Variants in MPG observed in about 807,000 individuals in gnomAD.
MPG encodes the protein DNA-3-methyladenine glycosylase.
Under a neutral mutation model 31.7 loss-of-function variants are expected in MPG, and 33 were observed. That is an observed-to-expected ratio of 1.04 (90% confidence interval 0.79 to 1.39). The LOEUF is 1.39. Ranked by LOEUF, MPG falls within the 40% of genes most tolerant of loss-of-function variation. The pLI, the probability that MPG is intolerant of heterozygous loss-of-function variation, is 0.00. For synonymous variants in MPG, 202 were observed against 169.2 expected (o/e 1.19, Z -1.51); for missense variants, 455 against 415.5 (o/e 1.10, Z -0.83).
rs778061844 is a variant in MPG at position 83,080 on chromosome 16, C to T, written c.329C>T (p.Thr110Ile). 2 of 1,609,710 alleles carry T rather than the reference C, an allele frequency of 1.2e-6. No homozygotes were observed. The highest frequency in any genetic ancestry group is 1.7e-5 in the Admixed American group (1 of 59,714). Residue 110 changes from threonine (T) to isoleucine (I), a missense_variant, in exon 3 of 4, where the codon ACA (threonine) becomes ATA (isoleucine). Physicochemically the swap from Thr to Ile is moderately conservative, Grantham distance 89. Coordinates refer to ENST00000356432, the MANE Select transcript of MPG (RefSeq NM_001015052.3). ...QVLVRRLPNG[T>I]ELRGRIVETE... ...CTAGTCCGGCGACTTCCTAATGGCA[C>T]AGAACTCCGAGGCCGCATCGTGGAG... is the stretch of plus-strand genomic sequence containing the variant.
chr16:82,961 T>A, intron 2 of MPG, 91 bp from the exon 3 acceptor site: 1 of 1,195,356 alleles, frequency 8.4e-7, no homozygotes, highest in Non-Finnish European at 1.2e-6. Flanking sequence ...TGACACACCC[T>A]GAGCTGGGGA....
At chr16:83,028 T>G in intron 2 of MPG, 24 bp from the exon 3 acceptor site, 1 of 1,541,598 alleles carries the variant, frequency 6.5e-7, no homozygotes, top group Non-Finnish European at 8.8e-7. Flanking sequence ...CTTCCCGCCC[T>G]GAGCAGAAAC....
At chr16:85,326 G>A (rs183943394) in intron 3 of MPG, 75 bp from the exon 4 acceptor site, 313 of 1,487,884 alleles carry the variant, frequency 2.1e-4, no homozygotes, top group Non-Finnish European at 2.5e-4. Context: ...TGCAGCACAG[G>A]ATGTCTGGAT....
chr16:84,882 A>C (rs747372972), intron 3 of MPG, among the ~76,000 whole-genome samples: 6 of 152,136 alleles, frequency 3.9e-5, no homozygotes, highest in Non-Finnish European at 8.8e-5. Context: ...CACTTGACCA[A>C]CACAAACACT....
chr16:85,363 C>T (rs774059355), intron 3 of MPG, 38 bp from the exon 4 acceptor site: 2 of 1,560,184 alleles, frequency 1.3e-6, no homozygotes, highest in Non-Finnish European at 1.7e-6. Flanking sequence ...AGGACAGGAG[C>T]CTAGGGAGGC....
chr16:85,515 G>T lies in MPG; in HGVS notation c.620G>T (p.Arg207Leu). The T allele has an allele frequency of 6.2e-7, 1 of 1,613,374 alleles. No homozygotes were observed. Among genetic ancestry groups the T allele is most frequent in the Non-Finnish European group, 8.5e-7 (1 of 1,180,046 alleles). ...ACCGCCAGCCGTGTCCTCAAGGACCGCGAGCTCTGCAGTGGCCCCTCCAAG... is the reference window on the plus strand; with the variant it reads ...ACCGCCAGCCGTGTCCTCAAGGACCTCGAGCTCTGCAGTGGCCCCTCCAAG... The part of the protein sequence containing the change: ...KGTASRVLKD[R>L]ELCSGPSKLC... Residue 207 changes from arginine (R) to leucine (L), a missense_variant, in exon 4 of 4, where the codon CGC becomes CTC. Coordinates refer to ENST00000356432, the MANE Select transcript of MPG (RefSeq NM_001015052.3).
At position 85,395 on chromosome 16, in the gene MPG, C is replaced by G. The variant is rs1898402989; in HGVS notation, c.506-6C>G. ...AGGCTCCACTTCCAAACTGTCCGTC[C>G]CACAGGGGACGGGGCTTGCGTCTTG... On this transcript the variant is annotated splice_polypyrimidine_tract_variant and splice_region_variant and intron_variant, in intron 3 of 3. Coordinates refer to ENST00000356432, the MANE Select transcript of MPG (RefSeq NM_001015052.3). 1 of 1,597,732 alleles carries G rather than the reference C, an allele frequency of 6.3e-7. No individual in the cohort carries two copies. The highest frequency in any genetic ancestry group is 2.0e-4 in the Middle Eastern group (1 of 5,060).
chr16:80,378 C>T (rs1898207275), intron 2 of MPG, among the ~76,000 whole-genome samples: 1 of 152,216 alleles, frequency 6.6e-6, no homozygotes, highest in Non-Finnish European at 1.5e-5. Context: ...AGGTTATAAT[C>T]ACCAAGAAGA....
chr16:77,328 A>G (rs1898114591), upstream of MPG, among the ~76,000 whole-genome samples: 1 of 152,166 alleles, frequency 6.6e-6, no homozygotes, highest in Non-Finnish European at 1.5e-5. Context: ...CGTGGGAGCC[A>G]GCAGTGTGCC....
intron 3 of MPG, 125 bp from the exon 4 acceptor site, chr16:85,276 C>A: frequency 2.6e-6 from 3 of 1,154,220 alleles, no homozygotes; most frequent in Non-Finnish European, 3.7e-6. Flanking sequence ...GTGCACAGAG[C>A]AGGTCCCTGG....
intron 2 of MPG, among the ~76,000 whole-genome samples, chr16:82,058 C>T (rs539328376): frequency 1.6e-5 from 2 of 128,006 alleles, no homozygotes; most frequent in African/African-American, 4.2e-5. Context: ...ACCCTACCTC[C>T]GGGAAGGCCT....
chr16:84,426 A>C (rs1898357717), intron 3 of MPG: 1 of 152,138 alleles, frequency 6.6e-6, no homozygotes, highest in Non-Finnish European at 1.5e-5. Context: ...AAGAGTAGGG[A>C]CTGGCTTGGC....
At chr16:78,032 T>A, upstream of MPG, 1 of 275,424 alleles carries the variant, frequency 3.6e-6, no homozygotes, top group Non-Finnish European at 6.8e-6. Flanking sequence ...CACCCCCAGG[T>A]GCCCCTTCCC....
chr16:79,414 T>TC lies in MPG; in HGVS notation c.25-8dup. 1 of 1,613,498 alleles carries TC rather than the reference T, an allele frequency of 6.2e-7. No homozygotes were observed. The highest frequency in any genetic ancestry group is 8.5e-7 in the Non-Finnish European group (1 of 1,179,948). On this transcript the variant is annotated splice_polypyrimidine_tract_variant and intron_variant, in intron 1 of 3. Coordinates refer to ENST00000356432, the MANE Select transcript of MPG (RefSeq NM_001015052.3). ...TATTCGGATGCTTATTTATTTTTTT[T>TC]CCCATTACAGTTTTGCCGACGGATG...
At chr16:78,446 C>T (rs1898151032) in intron 1 of MPG, 113 bp downstream of exon 1, 3 of 960,268 alleles carry the variant, frequency 3.1e-6, no homozygotes, top group Non-Finnish European at 3.9e-6. Flanking sequence ...CCCACCGCCC[C>T]GAGGGTTCGG....
In MPG at chr16:83,220, T is replaced by A; in HGVS notation, c.469T>A (p.Tyr157Asn). The A allele has an allele frequency of 6.2e-7, 1 of 1,612,956 alleles. No homozygotes were observed. Among genetic ancestry groups the A allele is most frequent in the South Asian group, 1.1e-5 (1 of 91,060 alleles). ...KPGTLYVYII[Y>N]GMYFCMNISS... Reference sequence around the variant, plus strand: ...GGGGACCCTGTACGTGTACATCATTTACGGCATGTACTTCTGCATGAACAT... The same window carrying A: ...GGGGACCCTGTACGTGTACATCATTAACGGCATGTACTTCTGCATGAACAT... The change falls in exon 3 of 4, where the codon TAC (tyrosine) becomes AAC (asparagine). Residue 157 changes from tyrosine to asparagine, a missense_variant. Transcript: ENST00000356432.
upstream of MPG, chr16:78,208 A>C: frequency 1.8e-6 from 2 of 1,107,638 alleles, no homozygotes; most frequent in South Asian, 2.3e-5. Flanking sequence ...CCTTCTGCGC[A>C]GGCGCCGCTC....
chr16:77,037 C>G (rs1262054405), upstream of MPG: 1 of 152,294 alleles, frequency 6.6e-6, no homozygotes, highest in East Asian at 1.9e-4. Flanking sequence ...CATCTGAGGG[C>G]TCCAGACACA....
At position 85,769 on chromosome 16, in the gene MPG, C is replaced by G. The variant is rs777574631; in HGVS notation, c.874C>G (p.Gln292Glu). The G allele has an allele frequency of 1.3e-6, 2 of 1,498,154 alleles. No homozygotes were observed. Among genetic ancestry groups the G allele is most frequent in the Non-Finnish European group, 1.8e-6 (2 of 1,122,760 alleles). The allele number at this position is 1,498,154 out of a possible 1,614,324, so 92.8% of individuals were successfully genotyped here. Residue 292 changes from glutamine to glutamate, a missense_variant, in exon 4 of 4, where the codon CAG (glutamine) becomes GAG (glutamate). Transcript: ENST00000356432. ...CGACAGAGTGGCTGAGCAGGACACA[C>G]AGGCCTGAGCAAAGGGCCTGCCCAG... ...VVDRVAEQDT[Q>E]A
Sources: gnomAD v4.1 joint callset for allele counts (sites outside exome capture counted in the v4.1 genomes callset) on GRCh38, gnomAD v4.1.1 for gene constraint, MANE v1.5 for transcripts, NCBI Gene and HGNC (gene_info 2026-07-23, HGNC 2026-07-21) for gene names.